Variants in HAAO observed in about 807,000 individuals in gnomAD.
HAAO encodes the protein 3-hydroxyanthranilate oxygenase.
A neutral mutation model predicts 46.2 loss-of-function variants in HAAO; 49 were observed. The ratio of observed to expected loss-of-function variants is 1.06; its 90% confidence interval spans 0.84 to 1.34. HAAO has a LOEUF of 1.34. HAAO is among the 40% of genes most tolerant of loss of function. The pLI is 0.00. For synonymous variants in HAAO, 157 were observed against 145.2 expected (o/e 1.08, Z -0.58); for missense variants, 408 against 364.5 (o/e 1.12, Z -0.97).
rs1670790697 is a variant in HAAO, at chr2:42,767,901, CGCT to C, written c.655_657del (p.Ser219del). ...ACGTCCACATTCTGTCTCAGGCCTT[CGCT>C]GCTGCCTTGCCCATAGGCGATCACC... On this transcript the variant is annotated inframe_deletion, in exon 8 of 10. Coordinates refer to ENST00000294973, the MANE Select transcript of HAAO (RefSeq NM_012205.3). The C allele has an allele frequency of 1.2e-6, 2 of 1,614,002 alleles. No homozygotes were observed. The highest frequency in any genetic ancestry group is 1.7e-6 in the Non-Finnish European group (2 of 1,179,878).
At chr2:42,781,702 A>T (rs542058789) in intron 4 of HAAO, among the ~76,000 whole-genome samples, 1 of 151,990 alleles carries the variant, frequency 6.6e-6, no homozygotes, top group Non-Finnish European at 1.5e-5. Context: ...GTGAAACCCA[A>T]TTTCTACTAA....
At chr2:42,783,600 G>A (rs560456790) in intron 3 of HAAO, among the ~76,000 whole-genome samples, 180 bp from the exon 4 acceptor site, 16 of 152,310 alleles carry the variant, frequency 1.1e-4, no homozygotes, top group Non-Finnish European at 1.9e-4. Context: ...ATGTTGGACC[G>A]TGCTGAGGAT....
At chr2:42,777,241 C>T (rs543602332) in intron 4 of HAAO, among the ~76,000 whole-genome samples, 4 of 138,580 alleles carry the variant, frequency 2.9e-5, no homozygotes, top group African/African-American at 5.5e-5. Context: ...AGGCAGAAGT[C>T]GCAGTGAGCC....
At chr2:42,778,335 AT>A (rs35140404) in intron 4 of HAAO, among the ~76,000 whole-genome samples, 54,666 of 149,790 alleles carry the variant, frequency 0.36, 10,639 homozygotes, top group African/African-American at 0.48. Flanking sequence ...GGTCCTGCTA[AT>A]TTTTTTTTTT....
intron 7 of HAAO, among the ~76,000 whole-genome samples, 190 bp downstream of exon 7, chr2:42,769,523 C>T (rs1355998749): frequency 6.6e-6 from 1 of 152,072 alleles, no homozygotes; most frequent in Non-Finnish European, 1.5e-5. Flanking sequence ...CCTTCTGCGT[C>T]AGGGAGGGAG....
intron 4 of HAAO, 186 bp downstream of exon 4, chr2:42,783,128 T>C: frequency 3.4e-6 from 2 of 593,150 alleles, no homozygotes; most frequent in Non-Finnish European, 6.0e-6. Context: ...TCCACCCCAC[T>C]CTACCCCTCC....
chr2:42,771,257 C>A (rs2104640724), intron 4 of HAAO, among the ~76,000 whole-genome samples: 1 of 151,554 alleles, frequency 6.6e-6, no homozygotes, highest in East Asian at 1.9e-4. Flanking sequence ...AATAGCCAGG[C>A]ATAACAAAAG....
At chr2:42,779,410 C>T (rs1671825705) in intron 4 of HAAO, among the ~76,000 whole-genome samples, 1 of 152,032 alleles carries the variant, frequency 6.6e-6, no homozygotes, top group African/African-American at 2.4e-5. Flanking sequence ...CAACCTCCGC[C>T]TCCCGGGTTC....
At chr2:42,768,742 C>T (rs931298263) in intron 7 of HAAO, among the ~76,000 whole-genome samples, 8 of 152,210 alleles carry the variant, frequency 5.3e-5, no homozygotes, top group African/African-American at 1.7e-4. Flanking sequence ...CTGTCACTCC[C>T]CTGCTTCAAT....
At chr2:42,787,615 G>A (rs1017766651) in intron 2 of HAAO, among the ~76,000 whole-genome samples, 1 of 152,102 alleles carries the variant, frequency 6.6e-6, no homozygotes, top group African/African-American at 2.4e-5. Context: ...GCACACATGA[G>A]GTGCTCAGCA....
chr2:42,771,114 C>T (rs900357681), intron 4 of HAAO, among the ~76,000 whole-genome samples: 3 of 152,106 alleles, frequency 2.0e-5, no homozygotes, highest in Non-Finnish European at 2.9e-5. Flanking sequence ...CAGTGGCTCA[C>T]GCCTGTAATC....
chr2:42,791,517 C>T (rs963648362), intron 1 of HAAO, among the ~76,000 whole-genome samples: 6 of 152,110 alleles, frequency 3.9e-5, no homozygotes, highest in African/African-American at 9.7e-5. Context: ...CAAGAGTGTG[C>T]GTGGACTCTG....
At chr2:42,782,964 A>G in intron 4 of HAAO, 1 of 442,076 alleles carries the variant, frequency 2.3e-6, no homozygotes, top group East Asian at 6.2e-5. Context: ...TGTCACGGGC[A>G]CACGTCCTCA....
chr2:42,776,793 A>G (rs1573921904), intron 4 of HAAO, among the ~76,000 whole-genome samples: 1 of 150,838 alleles, frequency 6.6e-6, no homozygotes, highest in Non-Finnish European at 1.5e-5. Context: ...CACCACGCCC[A>G]GCTAATTTTT....
chr2:42,785,713 T>G (rs561879099), intron 2 of HAAO, among the ~76,000 whole-genome samples: 1 of 152,058 alleles, frequency 6.6e-6, no homozygotes, highest in Admixed American at 6.6e-5. Context: ...CTAGAAGAAA[T>G]TAGCTGAGTA....
chr2:42,777,303 C>CAAAAAAAAAAAAAAAAAAA (rs1215772853), intron 4 of HAAO, among the ~76,000 whole-genome samples: 11 of 40,190 alleles, frequency 2.7e-4, no homozygotes, highest in South Asian at 1.3e-3. Context: ...ACTCTTATCG[C>CAAAAAAAAAAAAAAAAAAA]AAAAAAAAAA....
rs557123267 is a variant in HAAO at position 42,771,653 on chromosome 2, C to T, written c.351-1071G>A. ...AGCCTGGCTCAGTGAGCTCCTCCCC[C>T]GGCCTGAGGAGCACCTGGCAGGCTG... On this transcript the variant is annotated intron_variant, in intron 4 of 9. Coordinates refer to ENST00000294973, the MANE Select transcript of HAAO (RefSeq NM_012205.3). Among the ~76,000 whole-genome samples, 152 of 152,356 alleles carry T rather than the reference C, an allele frequency of 1.0e-3. 2 individuals are homozygous for T. Among genetic ancestry groups the T allele is most frequent in the South Asian group, 7.2e-3 (35 of 4,834 alleles).
intron 4 of HAAO, among the ~76,000 whole-genome samples, chr2:42,772,136 C>T (rs951403168): frequency 1.3e-5 from 2 of 152,180 alleles, no homozygotes; most frequent in Admixed American, 1.3e-4. Flanking sequence ...CAGACTGTTA[C>T]ACAGTAAATG....
chr2:42,769,569 ATGTG>A lies in HAAO; in HGVS notation c.630+140_630+143del, dbSNP rs35746707. On this transcript the variant is annotated intron_variant, in intron 7 of 9. Coordinates refer to ENST00000294973, the MANE Select transcript of HAAO (RefSeq NM_012205.3). ...TATGCTCATGTCTACAACCTCTGAA[ATGTG>A]TGTGTGTGTGTGTGTGTGTGTGTGT... The A allele has an allele frequency of 3.3e-3, 1,921 of 588,208 alleles. 2 individuals carry two copies. Among genetic ancestry groups the A allele is most frequent in the African/African-American group, 0.016 (825 of 52,436 alleles). The allele number at this position is 588,208 out of a possible 1,614,324, so 36.4% of individuals were successfully genotyped here.
Sources: gnomAD v4.1 joint callset for allele counts (sites outside exome capture counted in the v4.1 genomes callset) on GRCh38, gnomAD v4.1.1 for gene constraint, MANE v1.5 for transcripts, NCBI Gene and HGNC (gene_info 2026-07-23, HGNC 2026-07-21) for gene names.